The following ABLIM2 variants were observed in gnomAD, a reference collection of about 807,000 sequenced individuals.
ABLIM2 encodes the protein actin binding LIM protein family member 2, also known as actin-binding LIM protein 2.
Under a neutral mutation model 97.7 loss-of-function variants are expected in ABLIM2, and 53 were observed. The observed-to-expected ratio is 0.54, with a 90% CI of 0.44 to 0.68. The LOEUF is 0.68. Among genes scored for constraint, ABLIM2 ranks in the 30% least tolerant of loss-of-function variants. The pLI, the probability that ABLIM2 is intolerant of heterozygous loss-of-function variation, is 0.00. For synonymous variants in ABLIM2, 361 were observed against 345.8 expected, an observed-to-expected ratio of 1.04 and a Z score of -0.49; for missense variants, 835 against 867.2, an observed-to-expected ratio of 0.96 and a Z score of 0.47.
chr4:8,023,328 G>C lies in ABLIM2; in HGVS notation c.1268-3025C>G, dbSNP rs1323568060. ...ACGTTCTGTCGGCACGTCTCCCAAGGCTCCTCTCGGCTGCGACCTTTTGCA... is the reference window on the plus strand; with the variant it reads ...ACGTTCTGTCGGCACGTCTCCCAAGCCTCCTCTCGGCTGCGACCTTTTGCA... On this transcript the variant is annotated intron_variant, in intron 12 of 20. Coordinates refer to ENST00000447017, the MANE Select transcript of ABLIM2 (RefSeq NM_001130083.2). The surrounding 1 kb of genome is among the most constrained non-coding windows in gnomAD (Gnocchi z 5.7). Among the ~76,000 whole-genome samples, 1 of 152,226 alleles carries C rather than the reference G, an allele frequency of 6.6e-6. No individual in the cohort carries two copies. The highest frequency in any genetic ancestry group is 1.5e-5 in the Non-Finnish European group (1 of 68,044).
rs1203794255 is a variant in ABLIM2, at chr4:8,148,548, C to T, written c.10+10132G>A. ...TTTGCTCACCTGTGAAGTGGGAATA[C>T]TGGTAGTCCCGAGCAAGGAGCTCTG... On this transcript the variant is annotated intron_variant, in intron 1 of 20. Coordinates refer to ENST00000447017, the MANE Select transcript of ABLIM2 (RefSeq NM_001130083.2). This position sits in a 1 kb window ranked among gnomAD's most constrained non-coding sequence, Gnocchi z 6.7. 1.3e-5 allele frequency among the ~76,000 whole-genome samples: 2 copies of T among 152,170 alleles called. No individual in the cohort carries two copies. The highest frequency in any genetic ancestry group is 1.3e-4 in the Admixed American group (2 of 15,282).
Position 8,127,412 on chromosome 4 carries a change from C to T in ABLIM2, c.11-20775G>A. 8.9e-7 allele frequency: 1 copy of T among 1,126,826 alleles called. No homozygotes were observed. Among genetic ancestry groups the T allele is most frequent in the African/African-American group, 1.6e-5 (1 of 62,224 alleles). 69.8% of individuals were successfully genotyped at this position (1,126,826 alleles called of 1,614,324 possible). A position where few individuals can be genotyped will look rare whatever the true frequency, so the allele number is the denominator to read the frequency against. ...GACCTTCACGCAGGGCACAACTTGA[C>T]TGGACCCGTCCTTTCCCACCAGACC... On this transcript the variant is annotated intron_variant, in intron 1 of 20. Transcript: ENST00000447017. The surrounding 1 kb of genome is among the most constrained non-coding windows in gnomAD (Gnocchi z 7.3).
chr4:8,015,069 G>A lies in ABLIM2; in HGVS notation c.1423+4549C>T, dbSNP rs1472674399. On this transcript the variant is annotated intron_variant, in intron 14 of 20. Transcript: ENST00000447017. This position sits in a 1 kb window ranked among gnomAD's most constrained non-coding sequence, Gnocchi z 4.6. ...CCGAGTAGCTGGGATTACAGGCGCC[G>A]GCCACCACACTTGGCTAATTTTTAT... 6.6e-6 allele frequency among the ~76,000 whole-genome samples: 1 copy of A among 151,890 alleles called. No individual in the cohort carries two copies. The highest frequency in any genetic ancestry group is 2.4e-5 in the African/African-American group (1 of 41,364).
Position 8,087,106 on chromosome 4 carries a change from G to C in ABLIM2, c.454+1063C>G, listed in dbSNP as rs1025964461. On this transcript the variant is annotated intron_variant, in intron 4 of 20. Transcript: ENST00000447017. This position sits in a 1 kb window ranked among gnomAD's most constrained non-coding sequence, Gnocchi z 4.6. ...GAGAAAGGAGGCATTTGACACAGGAGAGGAAATTAATTGCGGGCAAGATGT... is the reference window on the plus strand; with the variant it reads ...GAGAAAGGAGGCATTTGACACAGGACAGGAAATTAATTGCGGGCAAGATGT... Among the ~76,000 whole-genome samples, 10 of 152,230 alleles carry C rather than the reference G, an allele frequency of 6.6e-5. No individual in the cohort carries two copies. Among genetic ancestry groups the C allele is most frequent in the Admixed American group, 6.5e-4 (10 of 15,284 alleles).
In ABLIM2 at chr4:8,122,689, C is replaced by T. The variant is rs1316670192; in HGVS notation, c.11-16052G>A. ...AACATTCACTTCTTAACACCATCCA[C>T]TGTCAGACCCTACATGGTACTTGCC... On this transcript the variant is annotated intron_variant, in intron 1 of 20. Coordinates refer to ENST00000447017, the MANE Select transcript of ABLIM2 (RefSeq NM_001130083.2). The surrounding 1 kb of genome is among the most constrained non-coding windows in gnomAD (Gnocchi z 4.1). Among the ~76,000 whole-genome samples, 2 of 152,230 alleles carry T rather than the reference C, an allele frequency of 1.3e-5. No homozygotes were observed. Among genetic ancestry groups the T allele is most frequent in the Non-Finnish European group, 2.9e-5 (2 of 68,036 alleles).
chr4:7,990,347 G>A (rs1026090774), intron 17 of ABLIM2, among the ~76,000 whole-genome samples: 2 of 151,994 alleles, frequency 1.3e-5, no homozygotes, highest in Non-Finnish European at 1.5e-5. Context: ...TAGGATGCCC[G>A]CCACCATACC....
At chr4:8,138,797 T>A (rs1850538578) in intron 1 of ABLIM2, among the ~76,000 whole-genome samples, 2 of 152,082 alleles carry the variant, frequency 1.3e-5, no homozygotes, top group East Asian at 3.9e-4. Context: ...AGGACACAGG[T>A]ATGGGCAAAG....
chr4:8,040,101 G>T (rs1176672197), intron 9 of ABLIM2, among the ~76,000 whole-genome samples: 3 of 152,196 alleles, frequency 2.0e-5, no homozygotes, highest in African/African-American at 4.8e-5. Context: ...TCCTGTGCAC[G>T]TGAATGGCAG....
Position 8,083,589 on chromosome 4 carries a change from T to G in ABLIM2, c.455-2787A>C, listed in dbSNP as rs1353882560. 6.6e-6 allele frequency among the ~76,000 whole-genome samples: 1 copy of G among 152,188 alleles called. No individual in the cohort carries two copies. The highest frequency in any genetic ancestry group is 1.5e-5 in the Non-Finnish European group (1 of 68,044). ...CTCCTATCAGCAGTACACGTGGAGA[T>G]GAGAGCAAGGTGCAAAAGGAGCGTT... On this transcript the variant is annotated intron_variant, in intron 4 of 20. Transcript: ENST00000447017. This position sits in a 1 kb window ranked among gnomAD's most constrained non-coding sequence, Gnocchi z 4.6.
rs201272313 is a variant in ABLIM2, at chr4:8,055,673, C to T, written c.764-1427G>A. On this transcript the variant is annotated intron_variant, in intron 7 of 20. Coordinates refer to ENST00000447017, the MANE Select transcript of ABLIM2 (RefSeq NM_001130083.2). ...TTATCCCATCTCCTGCCTGCAAAGC[C>T]CTCTGGGTCATGTGGATTTCATGGC... Among the ~76,000 whole-genome samples, 15 of 152,322 alleles carry T rather than the reference C, an allele frequency of 9.8e-5. No homozygotes were observed. The East Asian group carries it at 2.7e-3, about 27-fold the overall frequency.
rs1315283083 is a variant in ABLIM2, at chr4:7,998,953, CT to C, written c.1619-6027del. Among the ~76,000 whole-genome samples the C allele has an allele frequency of 1.3e-5, 2 of 152,228 alleles. No homozygotes were observed. Among genetic ancestry groups the C allele is most frequent in the African/African-American group, 4.8e-5 (2 of 41,460 alleles). On this transcript the variant is annotated intron_variant, in intron 16 of 20. Transcript: ENST00000447017. The surrounding 1 kb of genome is among the most constrained non-coding windows in gnomAD (Gnocchi z 6.4). ...AGACGAGGCGACACTATCTCACCCC[CT>C]GGACTGCTGTCTGGACTCCTGAAGT...
intron 1 of ABLIM2, among the ~76,000 whole-genome samples, chr4:8,143,165 G>C (rs114846473): frequency 0.051 from 7,502 of 147,756 alleles, 578 homozygotes; most frequent in Non-Finnish European, 0.07. Flanking sequence ...AGAGTGGGGG[G>C]GGGGGGCGTC....
intron 14 of ABLIM2, among the ~76,000 whole-genome samples, chr4:8,017,365 C>T (rs545306289): frequency 1.3e-5 from 2 of 152,040 alleles, no homozygotes; most frequent in Admixed American, 6.5e-5. Flanking sequence ...CGGCTCACTG[C>T]AACTTCCGCC....
chr4:7,983,559 A>G lies in ABLIM2; in HGVS notation c.1736-5T>C, dbSNP rs1263538087. ...CGGCCCCGCTTACCTTGTATTCTGT[A>G]AGAGAGAGAGAGCGGAGACCACGAA... On this transcript the variant is annotated splice_polypyrimidine_tract_variant and splice_region_variant and intron_variant, in intron 18 of 20. Coordinates refer to ENST00000447017, the MANE Select transcript of ABLIM2 (RefSeq NM_001130083.2). 1.7e-5 allele frequency: 27 copies of G among 1,612,810 alleles called. No individual in the cohort carries two copies. The East Asian group carries it at 5.6e-4, about 33-fold the overall frequency.
At chr4:8,151,382 C>G (rs1300990198) in intron 1 of ABLIM2, among the ~76,000 whole-genome samples, 1 of 152,208 alleles carries the variant, frequency 6.6e-6, no homozygotes, top group Non-Finnish European at 1.5e-5. Context: ...CCAAAGCCCC[C>G]TCCTCCGCCC....
chr4:8,097,798 C>T (rs979253123), intron 2 of ABLIM2, among the ~76,000 whole-genome samples: 1 of 152,194 alleles, frequency 6.6e-6, no homozygotes, highest in African/African-American at 2.4e-5. Flanking sequence ...TTCCCACCCC[C>T]TCCCCCACTC....
At position 8,043,676 on chromosome 4, in the gene ABLIM2, C is replaced by A. The variant is rs766593651; in HGVS notation, c.900+1488G>T. ...GAGCCAACCCTGCTGACTCCTTGAT[C>A]CTGGGTTTCCAGGCTCTGGAACTTT... is the stretch of plus-strand genomic sequence containing the variant. On this transcript the variant is annotated intron_variant, in intron 9 of 20. Coordinates refer to ENST00000447017, the MANE Select transcript of ABLIM2 (RefSeq NM_001130083.2). This position sits in a 1 kb window ranked among gnomAD's most constrained non-coding sequence, Gnocchi z 4.8. 1.3e-5 allele frequency among the ~76,000 whole-genome samples: 2 copies of A among 152,158 alleles called. No homozygotes were observed. The highest frequency in any genetic ancestry group is 2.9e-5 in the Non-Finnish European group (2 of 68,026).
chr4:8,039,010 C>G (rs1037694940), intron 9 of ABLIM2, among the ~76,000 whole-genome samples: 4 of 152,176 alleles, frequency 2.6e-5, no homozygotes, highest in Admixed American at 1.3e-4. Context: ...TCAGCGAAGG[C>G]CCCTCCTCGA....
intron 3 of ABLIM2, among the ~76,000 whole-genome samples, chr4:8,088,707 G>A (rs1825424361): frequency 6.6e-6 from 1 of 152,246 alleles, no homozygotes; most frequent in Admixed American, 6.5e-5. Flanking sequence ...GGCATCTCCT[G>A]TGTGCCCAGG....
Sources: allele counts gnomAD v4.1 joint callset (sites outside exome capture counted in the v4.1 genomes callset), GRCh38; gene constraint gnomAD v4.1.1; non-coding constraint Gnocchi (gnomAD v3.1); transcripts MANE v1.5; gene names NCBI Gene and HGNC (gene_info 2026-07-23, HGNC 2026-07-21).